The following ITSN1 variants were observed in gnomAD, a reference collection of about 807,000 sequenced individuals.
ITSN1 encodes the protein intersectin-1.
A neutral mutation model predicts 239.8 loss-of-function variants in ITSN1; 58 were observed. The observed-to-expected ratio is 0.24, with a 90% CI of 0.20 to 0.30. The LOEUF (loss-of-function observed/expected upper bound fraction) is 0.30, where lower values mean the gene tolerates loss of function less well. Ranked by LOEUF, ITSN1 falls within the 10% of genes least tolerant of loss-of-function variation. The probability of loss-of-function intolerance (pLI) is 1.00; values close to 1 mark genes in which losing one functional copy is unlikely to be tolerated. For synonymous variants in ITSN1, 780 were observed against 770.8 expected, an observed-to-expected ratio of 1.01 and a Z score of -0.20; for missense variants, 1,558 against 2,103.3, an observed-to-expected ratio of 0.74 and a Z score of 5.07.
At chr21:33,663,403 T>C (rs2089704051) in intron 1 of ITSN1, among the ~76,000 whole-genome samples, 1 of 152,250 alleles carries the variant, frequency 6.6e-6, no homozygotes, top group East Asian at 1.9e-4. Context: ...AGGCATAGCT[T>C]TGCTGGCAAC....
In ITSN1 at chr21:33,899,690, C is replaced by T. The variant is rs1315911764; in HGVS notation, c.*11390C>T. On this transcript the variant is annotated 3_prime_UTR_variant, in exon 40 of 40. Transcript: ENST00000381318. ...CCGATTAAGATGATGGTAACTGAGA[C>T]CTTTCTTTAAACCAGTAGCAACATC... is the stretch of plus-strand genomic sequence containing the variant. 1 of 152,134 alleles carries T rather than the reference C, an allele frequency of 6.6e-6. No homozygotes were observed. Among genetic ancestry groups the T allele is most frequent in the Non-Finnish European group, 1.5e-5 (1 of 68,026 alleles). 9.4% of individuals were successfully genotyped at this position (152,134 alleles called of 1,614,324 possible). A position where few individuals can be genotyped will look rare whatever the true frequency, so the allele number is the denominator to read the frequency against.
intron 5 of ITSN1, among the ~76,000 whole-genome samples, chr21:33,743,595 A>G (rs760813197): frequency 6.6e-6 from 1 of 152,270 alleles, no homozygotes; most frequent in Non-Finnish European, 1.5e-5. Context: ...CCAATGGAAT[A>G]GAACAAATGA....
At position 33,883,646 on chromosome 21, in the gene ITSN1, C is replaced by G. The variant is rs777765337; in HGVS notation, c.4651C>G (p.Leu1551Val). Residue 1551 changes from leucine (L) to valine (V), a missense_variant, in exon 36 of 40, where the codon CTC becomes GTC. Leu to Val is a conservative substitution (Grantham distance 32). Transcript: ENST00000381318. The stretch of plus-strand genomic sequence containing the variant: ...CTCCCACATTGACCGCGTCTATACT[C>G]TCCGAGCAGAAAGCATAAATGAAAG... ...HISHIDRVYTLRAESINERTA... is the reference protein window; with the variant it reads ...HISHIDRVYTVRAESINERTA... The G allele has an allele frequency of 6.2e-7, 1 of 1,613,670 alleles. No individual in the cohort carries two copies. Among genetic ancestry groups the G allele is most frequent in the Non-Finnish European group, 8.5e-7 (1 of 1,179,686 alleles).
chr21:33,805,087 A>G (rs2072309604), intron 20 of ITSN1, among the ~76,000 whole-genome samples: 1 of 152,248 alleles, frequency 6.6e-6, no homozygotes, highest in Non-Finnish European at 1.5e-5. Context: ...TGAGAACTCT[A>G]CTGCATATAC....
chr21:33,884,029 A>G (rs1431178865), intron 36 of ITSN1, among the ~76,000 whole-genome samples: 1 of 150,784 alleles, frequency 6.6e-6, no homozygotes, highest in African/African-American at 2.4e-5. Context: ...CCTCCCAGGT[A>G]TGTGGGACTA....
chr21:33,814,115 T>G (rs1178703854), intron 22 of ITSN1, 43 bp downstream of exon 22: 2 of 1,588,762 alleles, frequency 1.3e-6, no homozygotes. Context: ...GCATGCTATC[T>G]AGTGCCAAAA....
intron 9 of ITSN1, among the ~76,000 whole-genome samples, chr21:33,763,451 G>A (rs2068508332): frequency 1.3e-5 from 2 of 152,042 alleles, no homozygotes; most frequent in African/African-American, 2.4e-5. Flanking sequence ...GGGATGTCCT[G>A]TATACTGTAG....
At position 33,759,897 on chromosome 21, in the gene ITSN1, C is replaced by T. The variant is rs556685319; in HGVS notation, c.725-2026C>T. On this transcript the variant is annotated intron_variant, in intron 8 of 39. Coordinates refer to ENST00000381318, the MANE Select transcript of ITSN1 (RefSeq NM_003024.3). ...GGTGGATCACGTGAGGTCAGGAGTTCGAGACCAGCTTGGCCAACATGGGGA... is the reference window on the plus strand; with the variant it reads ...GGTGGATCACGTGAGGTCAGGAGTTTGAGACCAGCTTGGCCAACATGGGGA... 1.1e-4 allele frequency among the ~76,000 whole-genome samples: 17 copies of T among 152,022 alleles called. No homozygotes were observed. The East Asian group carries it at 3.1e-3, about 28-fold the overall frequency.
At chr21:33,849,434 C>T (rs555500189) in intron 29 of ITSN1, among the ~76,000 whole-genome samples, 22 of 151,044 alleles carry the variant, frequency 1.5e-4, no homozygotes, top group South Asian at 8.4e-4. Flanking sequence ...GGCGTGGTGG[C>T]GCATGCCTGT....
chr21:33,679,135 A>AAATT (rs1384977017), intron 1 of ITSN1, among the ~76,000 whole-genome samples: 1 of 152,190 alleles, frequency 6.6e-6, no homozygotes, highest in Non-Finnish European at 1.5e-5. Context: ...ATTTACCCTT[A>AAATT]AAGAGTGTTT....
chr21:33,865,665 CTT>C lies in ITSN1; in HGVS notation c.4074+332_4074+333del, dbSNP rs1309306225. 6.6e-6 allele frequency among the ~76,000 whole-genome samples: 1 copy of C among 152,230 alleles called. No individual in the cohort carries two copies. Among genetic ancestry groups the C allele is most frequent in the East Asian group, 1.9e-4 (1 of 5,204 alleles). ...GGCCCAGGCAGGTCTTAGATTTCCT[CTT>C]GTGTTTAATCGCCACATCCTCAGTT... On this transcript the variant is annotated intron_variant, in intron 32 of 39. Transcript: ENST00000381318. This position sits in a 1 kb window ranked among gnomAD's most constrained non-coding sequence, Gnocchi z 4.4.
Position 33,685,104 on chromosome 21 carries a change from TC to T in ITSN1, c.-32-33691del, listed in dbSNP as rs532631406. ...TTTGAAGCAAATTCTAGACATCACT[TC>T]CTTTTATTAAAGCAAGTTGCGTTTC... On this transcript the variant is annotated intron_variant, in intron 1 of 39. Transcript: ENST00000381318. Among the ~76,000 whole-genome samples, 23 of 152,298 alleles carry T rather than the reference TC, an allele frequency of 1.5e-4. 1 individual carries two copies. In the South Asian group the frequency reaches 3.5e-3, roughly 23 times the overall value.
chr21:33,864,131 A>G (rs11911023), intron 31 of ITSN1, among the ~76,000 whole-genome samples: 19,102 of 152,258 alleles, frequency 0.13, 3,847 homozygotes, highest in African/African-American at 0.43. Context: ...TTGGAATTCA[A>G]TAGCCCGCCC....
chr21:33,858,878 G>A (rs1306172567), intron 31 of ITSN1, 86 bp downstream of exon 31: 2 of 701,966 alleles, frequency 2.8e-6, no homozygotes, highest in African/African-American at 3.6e-5. Flanking sequence ...TGTCCTTCTT[G>A]CATGCTGCCC....
At position 33,897,814 on chromosome 21, in the gene ITSN1, A is replaced by C. The variant is rs1986867980; in HGVS notation, c.*9514A>C. On this transcript the variant is annotated 3_prime_UTR_variant, in exon 40 of 40. Coordinates refer to ENST00000381318, the MANE Select transcript of ITSN1 (RefSeq NM_003024.3). ...AATTTAAAACCTATTCCAAGAGTAGAAAATGCTTAATGAGATTACTTGGGT... is the reference window on the plus strand; with the variant it reads ...AATTTAAAACCTATTCCAAGAGTAGCAAATGCTTAATGAGATTACTTGGGT... 6.6e-6 allele frequency: 1 copy of C among 152,244 alleles called. No individual in the cohort carries two copies. The highest frequency in any genetic ancestry group is 2.1e-4 in the South Asian group (1 of 4,832). The allele number at this position is 152,244 out of a possible 1,614,324, so 9.4% of individuals were successfully genotyped here.
intron 1 of ITSN1, among the ~76,000 whole-genome samples, chr21:33,673,142 G>A (rs1424490264): frequency 2.6e-5 from 4 of 152,190 alleles, no homozygotes; most frequent in African/African-American, 9.7e-5. Context: ...ATGCTGCTAA[G>A]TGAAATAAAC....
intron 34 of ITSN1, among the ~76,000 whole-genome samples, chr21:33,878,823 A>G (rs1984433349): frequency 6.6e-6 from 1 of 152,238 alleles, no homozygotes; most frequent in Non-Finnish European, 1.5e-5. Flanking sequence ...GCCACGGCTC[A>G]GTACTAAACC....
chr21:33,750,108 G>A (rs767487792), intron 5 of ITSN1, 35 bp from the exon 6 acceptor site: 4 of 1,596,884 alleles, frequency 2.5e-6, no homozygotes, highest in East Asian at 2.2e-5. Context: ...AATGTGATTG[G>A]ATGTGAATGG....
At chr21:33,790,849 T>G (rs151322455) in intron 16 of ITSN1, among the ~76,000 whole-genome samples, 2 of 152,268 alleles carry the variant, frequency 1.3e-5, no homozygotes, top group African/African-American at 4.8e-5. Flanking sequence ...GCACTAGATT[T>G]GTTTGTCACT....
Sources: gnomAD v4.1 joint callset for allele counts (sites outside exome capture counted in the v4.1 genomes callset) on GRCh38, gnomAD v4.1.1 for gene constraint, Gnocchi (gnomAD v3.1) non-coding constraint, MANE v1.5 for transcripts, NCBI Gene and HGNC (gene_info 2026-07-23, HGNC 2026-07-21) for gene names.